KCNIP4: variants seen among roughly 807,000 people sequenced by gnomAD.
KCNIP4 encodes the protein Kv channel-interacting protein 4.
Under a neutral mutation model 34.0 loss-of-function variants are expected in KCNIP4, and 12 were observed. The ratio of observed to expected loss-of-function variants is 0.35; its 90% CI spans 0.23 to 0.57. The LOEUF (loss-of-function observed/expected upper bound fraction) is 0.57, where lower values mean the gene tolerates loss of function less well. Ranked by LOEUF, KCNIP4 falls within the 20% of genes least tolerant of loss-of-function variation. The pLI is 0.83. For synonymous variants in KCNIP4, 124 were observed against 102.2 expected, an observed-to-expected ratio of 1.21 and a Z score of -1.29; for missense variants, 238 against 311.7, an observed-to-expected ratio of 0.76 and a Z score of 1.78.
At position 20,977,393 on chromosome 4, in the gene KCNIP4, C is replaced by T. The variant is rs28391083; in HGVS notation, c.62-94684G>A. On this transcript the variant is annotated intron_variant, in intron 1 of 8. Coordinates refer to ENST00000382152, the MANE Select transcript of KCNIP4 (RefSeq NM_025221.6). ...AGTCCTAACACTCTCTGAGACATTC[C>T]CCGTTTCTCTGCAGCATGTATTCTC... Among the ~76,000 whole-genome samples, 1,263 of 152,166 alleles carry T rather than the reference C, an allele frequency of 8.3e-3. 17 individuals are homozygous for T. The highest frequency in any genetic ancestry group is 0.029 in the African/African-American group (1,194 of 41,490).
chr4:21,459,366 T>C (rs1729249131), intron 1 of KCNIP4, among the ~76,000 whole-genome samples: 1 of 152,054 alleles, frequency 6.6e-6, no homozygotes, highest in Non-Finnish European at 1.5e-5. Flanking sequence ...GTTTTCCTAT[T>C]TCTTCCCTTG....
At chr4:21,449,245 T>C (rs955826911) in intron 1 of KCNIP4, among the ~76,000 whole-genome samples, 3 of 152,178 alleles carry the variant, frequency 2.0e-5, no homozygotes, top group Non-Finnish European at 4.4e-5. Context: ...TTAACTCCTA[T>C]TTTTTCTCTT....
chr4:21,233,060 A>C (rs1758914959), intron 1 of KCNIP4, among the ~76,000 whole-genome samples: 1 of 152,190 alleles, frequency 6.6e-6, no homozygotes, highest in African/African-American at 2.4e-5. Context: ...GTGCAATAAA[A>C]GAGAAACAGG....
At chr4:21,082,419 G>T (rs988970155) in intron 1 of KCNIP4, among the ~76,000 whole-genome samples, 5 of 151,758 alleles carry the variant, frequency 3.3e-5, no homozygotes, top group Admixed American at 3.3e-4. Flanking sequence ...AGTTTAAAAT[G>T]TTGTATCACT....
intron 1 of KCNIP4, among the ~76,000 whole-genome samples, chr4:21,528,788 G>A (rs57121864): frequency 0.028 from 274 of 9,642 alleles, 82 homozygotes; most frequent in African/African-American, 0.093. Flanking sequence ...AGGAAGAAAG[G>A]AAGAAAGGAA....
chr4:21,471,639 A>T (rs1355371600), intron 1 of KCNIP4, among the ~76,000 whole-genome samples: 1 of 152,202 alleles, frequency 6.6e-6, no homozygotes, highest in Non-Finnish European at 1.5e-5. Flanking sequence ...ATGAGACAGT[A>T]AACAATGGGC....
Position 21,657,839 on chromosome 4 carries a change from TA to T in KCNIP4, c.61+290731del, listed in dbSNP as rs201743251. Among the ~76,000 whole-genome samples the T allele has an allele frequency of 2.1e-3, 251 of 119,770 alleles. 1 individual carries two copies. The highest frequency in any genetic ancestry group is 0.013 in the Middle Eastern group (3 of 230). The allele number at this position is 119,770 out of a possible 152,430, so 78.6% of individuals were successfully genotyped here. ...AGTGTTTTATCAAATGGTTTAAACA[TA>T]ATTTTTTTTTTTTTTTTTGAGACGG... On this transcript the variant is annotated intron_variant, in intron 1 of 8. Transcript: ENST00000382152.
chr4:20,733,179 C>T lies in KCNIP4; in HGVS notation c.538-394G>A, dbSNP rs78004989. On this transcript the variant is annotated intron_variant, in intron 6 of 8. Coordinates refer to ENST00000382152, the MANE Select transcript of KCNIP4 (RefSeq NM_025221.6). Reference sequence around the variant, plus strand: ...ATTGAGAATCAAATATACGGCACATCGTATATTGAGAAAAAACACCATTTA... The same window carrying T: ...ATTGAGAATCAAATATACGGCACATTGTATATTGAGAAAAAACACCATTTA... Among the ~76,000 whole-genome samples, 329 of 152,108 alleles carry T rather than the reference C, an allele frequency of 2.2e-3. 1 individual carries two copies. The highest frequency in any genetic ancestry group is 2.8e-3 in the Non-Finnish European group (188 of 67,984).
chr4:21,497,575 A>G (rs1450219159), intron 1 of KCNIP4, among the ~76,000 whole-genome samples: 1 of 152,126 alleles, frequency 6.6e-6, no homozygotes, highest in Non-Finnish European at 1.5e-5. Context: ...AAAGCTATAT[A>G]AAGTCCACAC....
intron 1 of KCNIP4, among the ~76,000 whole-genome samples, chr4:21,144,511 T>C (rs986613970): frequency 1.3e-5 from 2 of 152,162 alleles, no homozygotes; most frequent in Non-Finnish European, 2.9e-5. Context: ...GAGTCCCTAA[T>C]TGAAATAAAG....
At chr4:21,587,742 A>G (rs1181910642) in intron 1 of KCNIP4, among the ~76,000 whole-genome samples, 2 of 152,082 alleles carry the variant, frequency 1.3e-5, no homozygotes, top group African/African-American at 4.8e-5. Flanking sequence ...CCATGTTCAT[A>G]GTATAAGAAA....
intron 1 of KCNIP4, among the ~76,000 whole-genome samples, chr4:21,827,563 C>T (rs1157844613): frequency 6.6e-6 from 1 of 152,006 alleles, no homozygotes; most frequent in Non-Finnish European, 1.5e-5. Flanking sequence ...GTTACATCCT[C>T]AAGGTCTCTG....
chr4:21,398,374 A>T (rs988944402), intron 1 of KCNIP4, among the ~76,000 whole-genome samples: 4 of 152,214 alleles, frequency 2.6e-5, no homozygotes, highest in Admixed American at 2.6e-4. Flanking sequence ...AAAGCTCACA[A>T]ATTGCTGTTA....
At chr4:21,703,615 G>A (rs906059567) in intron 1 of KCNIP4, among the ~76,000 whole-genome samples, 1 of 151,936 alleles carries the variant, frequency 6.6e-6, no homozygotes, top group Non-Finnish European at 1.5e-5. Flanking sequence ...GAACATATGG[G>A]CACTAAAATT....
intron 1 of KCNIP4, among the ~76,000 whole-genome samples, chr4:21,644,597 T>G (rs2109242809): frequency 6.6e-6 from 1 of 152,320 alleles, no homozygotes; most frequent in African/African-American, 2.4e-5. Context: ...TTACTGTTTC[T>G]GTGGTATTAT....
At chr4:21,760,837 T>C (rs562442895) in intron 1 of KCNIP4, among the ~76,000 whole-genome samples, 28 of 152,256 alleles carry the variant, frequency 1.8e-4, no homozygotes, top group Non-Finnish European at 2.8e-4. Flanking sequence ...ACACTCCCAA[T>C]GCATTCTATA....
intron 1 of KCNIP4, among the ~76,000 whole-genome samples, chr4:20,948,309 C>T (rs752871257): frequency 2.4e-4 from 36 of 152,010 alleles, no homozygotes; most frequent in South Asian, 4.2e-4. Context: ...AGTATTGACC[C>T]AAATCTTTCA....
chr4:21,910,764 T>G (rs2108981628), intron 1 of KCNIP4, among the ~76,000 whole-genome samples: 1 of 152,316 alleles, frequency 6.6e-6, no homozygotes, highest in Non-Finnish European at 1.5e-5. Flanking sequence ...CTTCTGTGTT[T>G]AATTTACTTT....
chr4:20,932,605 G>A (rs1344152415), intron 1 of KCNIP4, among the ~76,000 whole-genome samples: 1 of 151,926 alleles, frequency 6.6e-6, no homozygotes, highest in Non-Finnish European at 1.5e-5. Flanking sequence ...TGATAGATAC[G>A]TTAATTTGAT....
Sources: allele counts gnomAD v4.1 joint callset (sites outside exome capture counted in the v4.1 genomes callset), GRCh38; gene constraint gnomAD v4.1.1; transcripts MANE v1.5; gene names NCBI Gene and HGNC (gene_info 2026-07-23, HGNC 2026-07-21).